The following JAK3 variants were observed in gnomAD, a reference collection of about 807,000 sequenced individuals.
JAK3 encodes tyrosine-protein kinase JAK3.
JAK3 carries 88 observed loss-of-function variants against 120.8 expected under a neutral mutation model. The ratio of observed to expected loss-of-function variants is 0.73; its 90% CI spans 0.61 to 0.87. JAK3 has a LOEUF of 0.87. Ranked by LOEUF, JAK3 falls within the 40% of genes least tolerant of loss-of-function variation. The pLI, the probability that JAK3 is intolerant of heterozygous loss-of-function variation, is 0.00. For synonymous variants in JAK3, 592 were observed against 628.6 expected, an observed-to-expected ratio of 0.94 and a Z score of 0.87; for missense variants, 1,254 against 1,501.4, an observed-to-expected ratio of 0.84 and a Z score of 2.72.
chr19:17,847,787 G>A (rs1166645135), intron 1 of JAK3, among the ~76,000 whole-genome samples, 159 bp downstream of exon 1: 1 of 152,208 alleles, frequency 6.6e-6, no homozygotes, highest in East Asian at 1.9e-4. Flanking sequence ...ATCGGAGGAT[G>A]CGAGTCTCGG....
chr19:17,828,659 G>A (rs976813220), intron 23 of JAK3, among the ~76,000 whole-genome samples: 1 of 152,150 alleles, frequency 6.6e-6, no homozygotes. Context: ...AAAGTGTTGG[G>A]ATTATAGGCA....
chr19:17,837,068 G>A, intron 13 of JAK3, 61 bp downstream of exon 13: 1 of 1,020,086 alleles, frequency 9.8e-7, no homozygotes, highest in Non-Finnish European at 1.4e-6. Context: ...GAACAGAGGT[G>A]GGAAGAACAG....
intron 2 of JAK3, 145 bp from the exon 3 acceptor site, chr19:17,844,045 G>A (rs900654864): frequency 9.1e-6 from 11 of 1,208,554 alleles, no homozygotes; most frequent in African/African-American, 3.1e-5. Flanking sequence ...ACACCTCTCC[G>A]TCTGCACAGG....
intron 9 of JAK3, 140 bp downstream of exon 9, chr19:17,840,090 G>C (rs927115749): frequency 1.4e-6 from 1 of 710,458 alleles, no homozygotes; most frequent in Non-Finnish European, 2.6e-6. Flanking sequence ...TTAGACCTTT[G>C]AATATGCTGT....
In JAK3 at chr19:17,831,012, A is replaced by G. The variant is rs2094213274; in HGVS notation, c.2978+216T>C. 6.8e-6 allele frequency among the ~76,000 whole-genome samples: 1 copy of G among 146,814 alleles called. No homozygotes were observed. The highest frequency in any genetic ancestry group is 1.5e-5 in the Non-Finnish European group (1 of 66,698). Reference sequence around the variant, plus strand: ...CGAGAGCTGAGAGAAGGGCGGGGCTAAGGCTGGGGGCCGCTGACAGCAGGG... The same window carrying G: ...CGAGAGCTGAGAGAAGGGCGGGGCTGAGGCTGGGGGCCGCTGACAGCAGGG... On this transcript the variant is annotated intron_variant, in intron 21 of 23. Coordinates refer to ENST00000458235, the MANE Select transcript of JAK3 (RefSeq NM_000215.4). This position sits in a 1 kb window ranked among gnomAD's most constrained non-coding sequence, Gnocchi z 5.1.
intron 16 of JAK3, 21 bp from the exon 17 acceptor site, chr19:17,834,742 C>T (rs778863163): frequency 7.4e-6 from 12 of 1,613,900 alleles, no homozygotes; most frequent in Middle Eastern, 1.6e-4. Context: ...GAGGAGCAGT[C>T]GGTAATCCCC....
chr19:17,842,891 G>C lies in JAK3; in HGVS notation c.566+136C>G. 8.0e-7 allele frequency: 1 copy of C among 1,243,314 alleles called. No homozygotes were observed. The highest frequency in any genetic ancestry group is 1.3e-5 in the South Asian group (1 of 79,600). 77.0% of individuals were successfully genotyped at this position (1,243,314 alleles called of 1,614,324 possible). On this transcript the variant is annotated intron_variant, in intron 5 of 23. Coordinates refer to ENST00000458235, the MANE Select transcript of JAK3 (RefSeq NM_000215.4). The surrounding 1 kb of genome is among the most constrained non-coding windows in gnomAD (Gnocchi z 6.4). ...CCTGGGGGTGGAGAGGGCTGGGTTC[G>C]TGGGAGGCCCTGGGTCATAGGAACA...
At chr19:17,834,464 C>A in intron 17 of JAK3, 107 bp downstream of exon 17, 1 of 1,309,058 alleles carries the variant, frequency 7.6e-7, no homozygotes, top group South Asian at 1.2e-5. Flanking sequence ...ACCAACCCCT[C>A]CAACCTCACC....
At position 17,842,315 on chromosome 19, in the gene JAK3, C is replaced by T; in HGVS notation, c.861+1G>A. On this transcript the variant is annotated splice_donor_variant, in intron 6 of 23. Coordinates refer to ENST00000458235, the MANE Select transcript of JAK3 (RefSeq NM_000215.4). LOFTEE classifies it high-confidence loss of function. This position sits in a 1 kb window ranked among gnomAD's most constrained non-coding sequence, Gnocchi z 6.4. Reference sequence around the variant, plus strand: ...CGCCCAGCGGGGGAGTCCGCCCTCACCTCCTGTTCTCCCTGGGTCCAGGCG... The same window carrying T: ...CGCCCAGCGGGGGAGTCCGCCCTCATCTCCTGTTCTCCCTGGGTCCAGGCG... 6.3e-7 allele frequency: 1 copy of T among 1,580,728 alleles called. No individual in the cohort carries two copies. The highest frequency in any genetic ancestry group is 2.3e-5 in the East Asian group (1 of 44,016).
chr19:17,828,264 GTTTTGT>G (rs1408636334), intron 23 of JAK3, among the ~76,000 whole-genome samples: 61 of 141,066 alleles, frequency 4.3e-4, no homozygotes, highest in African/African-American at 1.6e-3. Flanking sequence ...GTTTTGTTTT[GTTTTGT>G]TTTGAGACAG....
chr19:17,845,322 C>G (rs1474097566), intron 1 of JAK3, among the ~76,000 whole-genome samples: 1 of 152,144 alleles, frequency 6.6e-6, no homozygotes, highest in Non-Finnish European at 1.5e-5. Flanking sequence ...TGGGCACCAC[C>G]ACGCCCAGCT....
At chr19:17,833,542 G>GAAAAAAAAAAAAAAAAAAAAAAA (rs58330868) in intron 17 of JAK3, among the ~76,000 whole-genome samples, 2 of 74,632 alleles carry the variant, frequency 2.7e-5, no homozygotes, top group Non-Finnish European at 2.7e-5. Context: ...CCCCATCACA[G>GAAAAAAAAAAAAAAAAAAAAAAA]AAAAAAAAAA....
At chr19:17,839,256 G>C (rs2094231749) in intron 10 of JAK3, 2 of 672,712 alleles carry the variant, frequency 3.0e-6, no homozygotes, top group African/African-American at 1.8e-5. Context: ...GCTGGAGAGA[G>C]ACTAGGTGCA....
In JAK3 at chr19:17,831,653, T is replaced by G. The variant is rs779896628; in HGVS notation, c.2805+21A>C. On this transcript the variant is annotated intron_variant, in intron 20 of 23. Transcript: ENST00000458235. The surrounding 1 kb of genome is among the most constrained non-coding windows in gnomAD (Gnocchi z 5.1). ...GCCGTGCCAGCTGAATCCCCACAAG[T>G]CCCGGGGCGCCCCCTCGCACCTTGC... 3 of 1,599,102 alleles carry G rather than the reference T, an allele frequency of 1.9e-6. No homozygotes were observed. The highest frequency in any genetic ancestry group is 2.6e-6 in the Non-Finnish European group (3 of 1,174,514).
rs1417493008 is a variant in JAK3 at position 17,842,452 on chromosome 19, A to G, written c.725T>C (p.Leu242Pro). ...GGCCCCGGCTGGATCCAGCCGCTCC[A>G]GGTCCATGATGTACTTGGCCATGAG... The part of the protein sequence containing the change: ...HSLMAKYIMD[L>P]ERLDPAGAAE... The change falls in exon 6 of 24, where the codon CTG (leucine) becomes CCG (proline). Residue 242 changes from leucine to proline, a missense_variant. Leu to Pro is a moderately conservative substitution (Grantham distance 98, BLOSUM62 -3). Transcript: ENST00000458235. The surrounding 1 kb of genome is among the most constrained non-coding windows in gnomAD (Gnocchi z 6.4). 1.9e-6 allele frequency: 3 copies of G among 1,596,410 alleles called. No individual in the cohort carries two copies. The highest frequency in any genetic ancestry group is 1.7e-6 in the Non-Finnish European group (2 of 1,172,934).
chr19:17,837,477 G>A (rs543508660), intron 12 of JAK3, among the ~76,000 whole-genome samples: 10 of 152,214 alleles, frequency 6.6e-5, no homozygotes, highest in Admixed American at 3.9e-4. Context: ...GTGCAGTGGC[G>A]CGATCTTGAC....
intron 14 of JAK3, among the ~76,000 whole-genome samples, chr19:17,835,542 A>G (rs562943928): frequency 6.6e-6 from 1 of 152,292 alleles, no homozygotes; most frequent in South Asian, 2.1e-4. Context: ...GTCTCCTGCC[A>G]ACAGAACTGC....
In JAK3 at chr19:17,835,923, C is replaced by T. The variant is rs936493226; in HGVS notation, c.1914+1G>A. On this transcript the variant is annotated splice_donor_variant, in intron 14 of 23. Coordinates refer to ENST00000458235, the MANE Select transcript of JAK3 (RefSeq NM_000215.4). LOFTEE classifies it high-confidence loss of function. ...GGTGGAGCAGGCAGAGGAGCACTCA[C>T]CAGATAGTTGAGGGCGTAGGCCAGC... The T allele has an allele frequency of 6.2e-7, 1 of 1,613,884 alleles. No individual in the cohort carries two copies. The highest frequency in any genetic ancestry group is 8.5e-7 in the Non-Finnish European group (1 of 1,180,032).
At chr19:17,839,843 C>A (rs548655727) in intron 9 of JAK3, among the ~76,000 whole-genome samples, 180 bp from the exon 10 acceptor site, 3 of 150,176 alleles carry the variant, frequency 2.0e-5, no homozygotes, top group Admixed American at 1.3e-4. Flanking sequence ...CAGGTTCAAG[C>A]GATTCTCCTG....
Sources: allele counts gnomAD v4.1 joint callset (sites outside exome capture counted in the v4.1 genomes callset), GRCh38; gene constraint gnomAD v4.1.1; non-coding constraint Gnocchi (gnomAD v3.1); transcripts MANE v1.5; gene names NCBI Gene and HGNC (gene_info 2026-07-23, HGNC 2026-07-21).